The following BCR variants were observed in gnomAD, a reference collection of about 807,000 sequenced individuals.
BCR encodes the protein breakpoint cluster region protein.
In BCR, 58 loss-of-function variants were observed where a neutral mutation model predicts 138.6. The observed-to-expected ratio is 0.42, with a 90% CI of 0.34 to 0.52. The LOEUF (loss-of-function observed/expected upper bound fraction) is 0.52. BCR is among the 20% of genes least tolerant of loss of function. The probability of loss-of-function intolerance (pLI) is 0.06; values close to 1 mark genes in which losing one functional copy is unlikely to be tolerated. For synonymous variants in BCR, 786 were observed against 730.1 expected, an observed-to-expected ratio of 1.08 and a Z score of -1.23; for missense variants, 1,599 against 1,727.2, an observed-to-expected ratio of 0.93 and a Z score of 1.32.
Position 23,309,481 on chromosome 22 carries a change from G to A in BCR, c.3070G>A (p.Gly1024Arg). 6.3e-7 allele frequency: 1 copy of A among 1,598,198 alleles called. No individual in the cohort carries two copies. The change falls in exon 17 of 23, where the codon GGG (glycine) becomes AGG (arginine). Residue 1024 changes from glycine to arginine, a missense_variant and splice_region_variant. Coordinates refer to ENST00000305877, the MANE Select transcript of BCR (RefSeq NM_004327.4). ...GCAGCGCACCGTCATCGCCATGAAT[G>A]GGGTACGTGTCCGTGGGACTCTCCT... The part of the protein sequence containing the change: ...DWQRTVIAMN[G>R]IEVKLSVKFN...
chr22:23,292,322 C>G (rs1383733782), intron 14 of BCR, among the ~76,000 whole-genome samples: 28 of 152,228 alleles, frequency 1.8e-4, no homozygotes, highest in Non-Finnish European at 2.9e-5. Context: ...GTTTCCCAGC[C>G]GCACCCAGGG....
At chr22:23,220,823 T>A (rs1176861810) in intron 1 of BCR, among the ~76,000 whole-genome samples, 1 of 152,200 alleles carries the variant, frequency 6.6e-6, no homozygotes, top group Non-Finnish European at 1.5e-5. Context: ...GCAGCCAGTT[T>A]GCACTGTGGG....
At chr22:23,314,360 C>A (rs536369433) in intron 21 of BCR, among the ~76,000 whole-genome samples, 192 bp from the exon 22 acceptor site, 1 of 152,312 alleles carries the variant, frequency 6.6e-6, no homozygotes, top group South Asian at 2.1e-4. Context: ...AAGTAGGAGA[C>A]CTCCCCACCA....
Position 23,305,575 on chromosome 22 carries a change from C to T in BCR, c.3013-3849C>T, listed in dbSNP as rs150069034. Among the ~76,000 whole-genome samples, 36 of 152,338 alleles carry T rather than the reference C, an allele frequency of 2.4e-4. 1 individual carries two copies. In the East Asian group the frequency reaches 6.6e-3, roughly 28 times the overall value. ...TTCAGGGCAGCACACAGCACCTGCC[C>T]CAGTTGGGCTTCGGCCTCCCTCAGC... On this transcript the variant is annotated intron_variant, in intron 16 of 22. Transcript: ENST00000305877.
intron 1 of BCR, among the ~76,000 whole-genome samples, chr22:23,222,735 C>T (rs546355764): frequency 6.6e-6 from 1 of 152,146 alleles, no homozygotes; most frequent in African/African-American, 2.4e-5. Context: ...AAGCCTTCCT[C>T]CCTCATGCCC....
At chr22:23,290,304 A>T in intron 13 of BCR, 35 bp from the exon 14 acceptor site, 2 of 1,597,816 alleles carry the variant, frequency 1.3e-6, no homozygotes, top group South Asian at 2.2e-5. Context: ...CTTTCCCGGG[A>T]CAACAGAAGC....
At chr22:23,245,285 CATTTTCCA>C (rs1353977239) in intron 1 of BCR, among the ~76,000 whole-genome samples, 1 of 152,164 alleles carries the variant, frequency 6.6e-6, no homozygotes, top group Non-Finnish European at 1.5e-5. Flanking sequence ...TCCCGACTGA[CATTTTCCA>C]GCCTATGGGG....
At chr22:23,195,967 AC>A (rs1316897333) in intron 1 of BCR, among the ~76,000 whole-genome samples, 6 of 152,264 alleles carry the variant, frequency 3.9e-5, no homozygotes, top group Admixed American at 1.3e-4. Context: ...AAATAAAAAA[AC>A]ATTGCCATCT....
Position 23,285,011 on chromosome 22 carries a change from GTTC to G in BCR, c.2238-17_2238-15del, listed in dbSNP as rs1464765761. 12 of 1,607,144 alleles carry G rather than the reference GTTC, an allele frequency of 7.5e-6. No homozygotes were observed. In the South Asian group the frequency reaches 8.8e-5, roughly 12 times the overall value. ...TAGAAGGCAGTCGGTGCATGTGAAC[GTTC>G]TTCTCTCCCCATCCCCAGCAAAACG... On this transcript the variant is annotated intron_variant, in intron 9 of 22. Transcript: ENST00000305877.
rs996139532 is a variant in BCR at position 23,296,373 on chromosome 22, CAAAAAAAA to C, written c.3012+1234_3012+1241del. 9.3e-3 allele frequency among the ~76,000 whole-genome samples: 528 copies of C among 56,690 alleles called. 6 individuals are homozygous for C. Among genetic ancestry groups the C allele is most frequent in the African/African-American group, 0.032 (498 of 15,808 alleles). The allele number at this position is 56,690 out of a possible 152,430, so 37.2% of individuals were successfully genotyped here. A position where few individuals can be genotyped will look rare whatever the true frequency, so the allele number is the denominator to read the frequency against. ...TGGGTGACAGAGCGAGAGTCCGTCT[CAAAAAAAA>C]AAAAAAAAAAAAAAATACCAAGTGC... On this transcript the variant is annotated intron_variant, in intron 16 of 22. Transcript: ENST00000305877.
intron 1 of BCR, among the ~76,000 whole-genome samples, chr22:23,203,252 G>T (rs968436475): frequency 2.6e-5 from 4 of 152,182 alleles, no homozygotes; most frequent in African/African-American, 9.7e-5. Flanking sequence ...ATGGTCTTAA[G>T]ACCCTTGATG....
intron 16 of BCR, among the ~76,000 whole-genome samples, chr22:23,298,014 G>C (rs118093204): frequency 6.6e-6 from 1 of 152,302 alleles, no homozygotes; most frequent in East Asian, 1.9e-4. Context: ...AGAAAAACCC[G>C]AGCTGGACAG....
In BCR at chr22:23,273,121, G is replaced by A. The variant is rs770061755; in HGVS notation, c.1962G>A (p.Thr654=). 30 of 1,613,298 alleles carry A rather than the reference G, an allele frequency of 1.9e-5. 1 individual carries two copies. The highest frequency in any genetic ancestry group is 8.3e-5 in the Admixed American group (5 of 59,996). The part of the protein sequence containing the change: ...YKPVDRVTRS[T]LVLHDLLKHT... ...CTGTGGACCGTGTGACGAGGAGCAC[G>A]CTGGTCCTCCATGTAAGTCACAGCG... Residue 654 remains threonine, a synonymous_variant, in exon 7 of 23, where the codon ACG becomes ACA. Transcript: ENST00000305877.
intron 11 of BCR, 26 bp from the exon 12 acceptor site, chr22:23,288,071 G>A (rs2073738534): frequency 6.2e-7 from 1 of 1,609,948 alleles, no homozygotes; most frequent in African/African-American, 1.3e-5. Flanking sequence ...GGAGATAACT[G>A]GGTGTGTTCT....
In BCR at chr22:23,205,512, G is replaced by A. The variant is rs1021504754; in HGVS notation, c.1279+23273G>A. On this transcript the variant is annotated intron_variant, in intron 1 of 22. Coordinates refer to ENST00000305877, the MANE Select transcript of BCR (RefSeq NM_004327.4). Reference sequence around the variant, plus strand: ...GCTTTGTAAGGGGATCCCATTCAGCGTCCAGGATCCGAGCCTTGCTCTATT... The same window carrying A: ...GCTTTGTAAGGGGATCCCATTCAGCATCCAGGATCCGAGCCTTGCTCTATT... Among the ~76,000 whole-genome samples the A allele has an allele frequency of 5.3e-5, 8 of 152,142 alleles. No homozygotes were observed. In the East Asian group the frequency reaches 5.8e-4, roughly 11 times the overall value.
chr22:23,300,286 A>G (rs2073889922), intron 16 of BCR, among the ~76,000 whole-genome samples: 1 of 152,152 alleles, frequency 6.6e-6, no homozygotes, highest in Non-Finnish European at 1.5e-5. Flanking sequence ...TAGCTACCTC[A>G]TGTAAGTGGA....
chr22:23,265,403 C>A (rs114303713), intron 4 of BCR, among the ~76,000 whole-genome samples: 1 of 152,224 alleles, frequency 6.6e-6, no homozygotes, highest in Non-Finnish European at 1.5e-5. Flanking sequence ...GGCCCAGCAT[C>A]GCTCTGTCAG....
chr22:23,219,872 G>A (rs962331695), intron 1 of BCR, among the ~76,000 whole-genome samples: 8 of 151,016 alleles, frequency 5.3e-5, no homozygotes, highest in African/African-American at 9.8e-5. Flanking sequence ...TCCCTCCTCC[G>A]GCCGCTCTCA....
At chr22:23,307,412 A>G (rs1037763833) in intron 16 of BCR, among the ~76,000 whole-genome samples, 11 of 129,482 alleles carry the variant, frequency 8.5e-5, no homozygotes, top group African/African-American at 3.5e-4. Context: ...AGCTCCCAGC[A>G]GTGGTATAAA....
Sources: gnomAD v4.1 joint callset for allele counts (sites outside exome capture counted in the v4.1 genomes callset) on GRCh38, gnomAD v4.1.1 for gene constraint, MANE v1.5 for transcripts, NCBI Gene and HGNC (gene_info 2026-07-23, HGNC 2026-07-21) for gene names.